ENTHD1: variants seen among roughly 807,000 people sequenced by gnomAD.
ENTHD1 encodes the protein ENTH domain-containing protein 1.
In ENTHD1, 23 loss-of-function variants were observed where a neutral mutation model predicts 39.1. The ratio of observed to expected loss-of-function variants is 0.59; its 90% CI spans 0.42 to 0.83. The LOEUF (loss-of-function observed/expected upper bound fraction) is 0.83, where lower values mean the gene tolerates loss of function less well. Ranked by LOEUF, ENTHD1 falls within the 40% of genes least tolerant of loss-of-function variation. The pLI, the probability that ENTHD1 is intolerant of heterozygous loss-of-function variation, is 0.00. For missense variants in ENTHD1, 624 were observed against 705.4 expected (o/e 0.88, Z 1.31); for synonymous variants, 230 against 258.2 (o/e 0.89, Z 1.05).
At chr22:39,757,271 ATTG>A (rs2065192308) in intron 6 of ENTHD1, among the ~76,000 whole-genome samples, 1 of 152,050 alleles carries the variant, frequency 6.6e-6, no homozygotes, top group African/African-American at 2.4e-5. Context: ...ATTATTTATT[ATTG>A]TTGTTTGTTT....
At chr22:39,832,708 G>A (rs2065878361) in intron 4 of ENTHD1, among the ~76,000 whole-genome samples, 1 of 152,096 alleles carries the variant, frequency 6.6e-6, no homozygotes, top group Admixed American at 6.5e-5. Context: ...CAACCCAGGA[G>A]GTACTATAAA....
At chr22:39,836,739 G>C (rs1039733010) in intron 3 of ENTHD1, among the ~76,000 whole-genome samples, 6 of 152,124 alleles carry the variant, frequency 3.9e-5, no homozygotes, top group Non-Finnish European at 8.8e-5. Flanking sequence ...TTGGTTCATG[G>C]GGCAGATTTC....
intron 5 of ENTHD1, among the ~76,000 whole-genome samples, chr22:39,809,686 C>T (rs943738197): frequency 6.6e-6 from 1 of 152,118 alleles, no homozygotes; most frequent in Non-Finnish European, 1.5e-5. Context: ...TGATGGGGCA[C>T]CAGCATCTCT....
chr22:39,879,067 G>A (rs1346728230), intron 2 of ENTHD1, among the ~76,000 whole-genome samples: 1 of 151,520 alleles, frequency 6.6e-6, no homozygotes, highest in Admixed American at 6.6e-5. Context: ...ATGAGACGAA[G>A]GAGTGTTATC....
At chr22:39,746,642 T>C (rs748604499) in intron 6 of ENTHD1, among the ~76,000 whole-genome samples, 2 of 152,210 alleles carry the variant, frequency 1.3e-5, no homozygotes, top group Non-Finnish European at 2.9e-5. Context: ...CTAATATCAG[T>C]ATCTTTAGTT....
chr22:39,866,286 T>C (rs1448435444), intron 2 of ENTHD1, among the ~76,000 whole-genome samples: 1 of 152,236 alleles, frequency 6.6e-6, no homozygotes, highest in Non-Finnish European at 1.5e-5. Context: ...CATTCATTTA[T>C]GCAGTCCATT....
At chr22:39,794,985 A>G (rs2065535821) in intron 5 of ENTHD1, among the ~76,000 whole-genome samples, 1 of 151,950 alleles carries the variant, frequency 6.6e-6, no homozygotes, top group Admixed American at 6.6e-5. Context: ...GCGTCATTGG[A>G]TTTTATCAAA....
rs182984847 is a variant in ENTHD1 at position 39,773,633 on chromosome 22, G to A, written c.833-8024C>T. On this transcript the variant is annotated intron_variant, in intron 5 of 6. Coordinates refer to ENST00000325157, the MANE Select transcript of ENTHD1 (RefSeq NM_152512.4). Reference sequence around the variant, plus strand: ...AACCTCATAGCTGGTGTATTTTTTGGTTTCCTGACCAGATTCTGACAGATA... The same window carrying A: ...AACCTCATAGCTGGTGTATTTTTTGATTTCCTGACCAGATTCTGACAGATA... Among the ~76,000 whole-genome samples the A allele has an allele frequency of 2.3e-4, 35 of 152,188 alleles. No individual in the cohort carries two copies. In the East Asian group the frequency reaches 6.8e-3, roughly 29 times the overall value.
intron 5 of ENTHD1, among the ~76,000 whole-genome samples, chr22:39,773,064 T>C (rs1389034666): frequency 7.2e-6 from 1 of 138,594 alleles, no homozygotes; most frequent in Non-Finnish European, 1.5e-5. Context: ...CAGGTGGATC[T>C]CTTGAGCCCA....
At chr22:39,851,404 G>A (rs550272240) in intron 3 of ENTHD1, among the ~76,000 whole-genome samples, 4 of 152,130 alleles carry the variant, frequency 2.6e-5, no homozygotes, top group South Asian at 2.1e-4. Flanking sequence ...TGATGCATGC[G>A]ATTATATCCT....
chr22:39,821,555 A>G (rs980709626), intron 4 of ENTHD1, among the ~76,000 whole-genome samples: 7 of 152,230 alleles, frequency 4.6e-5, no homozygotes, highest in Non-Finnish European at 7.3e-5. Flanking sequence ...TAATCAACTG[A>G]TGGCTAATCT....
At chr22:39,799,924 G>A (rs1480975734) in intron 5 of ENTHD1, among the ~76,000 whole-genome samples, 1 of 152,216 alleles carries the variant, frequency 6.6e-6, no homozygotes. Flanking sequence ...TGCAGGGGCT[G>A]TTAGGTCCCA....
chr22:39,798,584 G>A (rs868035639), intron 5 of ENTHD1, among the ~76,000 whole-genome samples: 7 of 152,128 alleles, frequency 4.6e-5, no homozygotes, highest in African/African-American at 7.2e-5. Flanking sequence ...GCTTTTTCTC[G>A]GGACAGGAGT....
intron 3 of ENTHD1, among the ~76,000 whole-genome samples, chr22:39,856,274 CAAAAAAAAAAAAA>C (rs34598525): frequency 3.9e-5 from 2 of 50,768 alleles, no homozygotes; most frequent in South Asian, 1.3e-3. Context: ...AACTTCATCT[CAAAAAAAAAAAAA>C]AAAAAAAAAG....
intron 3 of ENTHD1, among the ~76,000 whole-genome samples, chr22:39,845,843 A>C (rs1176790727): frequency 6.6e-6 from 1 of 151,454 alleles, no homozygotes; most frequent in Non-Finnish European, 1.5e-5. Context: ...TTTGTCAGTT[A>C]TATGCGTTGG....
At chr22:39,774,065 G>A (rs1178508479) in intron 5 of ENTHD1, among the ~76,000 whole-genome samples, 1 of 152,202 alleles carries the variant, frequency 6.6e-6, no homozygotes, top group Non-Finnish European at 1.5e-5. Flanking sequence ...TAGAGACATA[G>A]ACAGAACCAG....
chr22:39,862,990 C>G (rs939963991), intron 2 of ENTHD1, among the ~76,000 whole-genome samples: 3 of 152,208 alleles, frequency 2.0e-5, no homozygotes, highest in Admixed American at 1.3e-4. Flanking sequence ...CATGAGGACA[C>G]AGCATTCCTC....
chr22:39,765,577 A>G lies in ENTHD1; in HGVS notation c.865T>C (p.Ser289Pro). 1 of 1,613,298 alleles carries G rather than the reference A, an allele frequency of 6.2e-7. No homozygotes were observed. Among genetic ancestry groups the G allele is most frequent in the Non-Finnish European group, 8.5e-7 (1 of 1,179,694 alleles). ...AVPTLSENSP[S>P]GQRDVSLDKR... ...TCCAAACTCACATCTCTCTGCCCAG[A>G]AGGACTATTTTCTGAGAGAGTAGGC... The change falls in exon 6 of 7, where the codon TCT becomes CCT. Residue 289 changes from serine to proline, a missense_variant. Ser to Pro is a moderately conservative substitution (Grantham distance 74, BLOSUM62 -1). Transcript: ENST00000325157.
intron 4 of ENTHD1, among the ~76,000 whole-genome samples, chr22:39,823,492 G>A (rs1002614197): frequency 1.3e-5 from 2 of 151,894 alleles, no homozygotes; most frequent in Admixed American, 6.6e-5. Context: ...CTACAGGTAC[G>A]CATCACCATG....
Sources: allele counts gnomAD v4.1 joint callset (sites outside exome capture counted in the v4.1 genomes callset), GRCh38; gene constraint gnomAD v4.1.1; transcripts MANE v1.5; gene names NCBI Gene and HGNC (gene_info 2026-07-23, HGNC 2026-07-21).